WHAMM: variants seen among roughly 807,000 people sequenced by gnomAD.
WHAMM encodes the protein WASP homolog associated with actin, golgi membranes and microtubules.
WHAMM carries 67 observed loss-of-function variants against 76.5 expected under a neutral mutation model. The ratio of observed to expected loss-of-function variants is 0.88; its 90% CI spans 0.72 to 1.07. WHAMM has a LOEUF of 1.07. WHAMM is among the 50% of genes least tolerant of loss of function. The pLI, the probability that WHAMM is intolerant of heterozygous loss-of-function variation, is 0.00. For synonymous variants in WHAMM, 419 were observed against 422.1 expected, an observed-to-expected ratio of 0.99 and a Z score of 0.09; for missense variants, 1,021 against 1,051.1, an observed-to-expected ratio of 0.97 and a Z score of 0.40.
At chr15:82,816,616 C>A in intron 2 of WHAMM, 76 bp from the exon 3 acceptor site, 1 of 1,382,568 alleles carries the variant, frequency 7.2e-7, no homozygotes, top group Non-Finnish European at 9.7e-7. Flanking sequence ...TCCATGTGAC[C>A]AATTTCCTTT....
Position 82,830,824 on chromosome 15 carries a change from C to G in WHAMM, c.1867C>G (p.Pro623Ala), listed in dbSNP as rs1185327540. 2 of 1,603,400 alleles carry G rather than the reference C, an allele frequency of 1.2e-6. No individual in the cohort carries two copies. The highest frequency in any genetic ancestry group is 1.7e-6 in the Non-Finnish European group (2 of 1,174,464). Residue 623 changes from proline to alanine, a missense_variant, in exon 9 of 10, where the codon CCA becomes GCA. This residue lies in a region of WHAMM where 509 missense variants were observed against 492.3 expected (regional missense o/e 1.03). Coordinates refer to ENST00000286760, the MANE Select transcript of WHAMM (RefSeq NM_001080435.3). Reference sequence around the variant, plus strand: ...AAATATCCCTGTCCAGGTTTTTGTTCCAGTTGGTGATCAAACACATTCCAA... The same window carrying G: ...AAATATCCCTGTCCAGGTTTTTGTTGCAGTTGGTGATCAAACACATTCCAA... ...HGNIPVQVFV[P>A]VGDQTHSKSS...
chr15:82,811,490 T>C lies in WHAMM; in HGVS notation c.609+1155T>C, dbSNP rs181507768. Among the ~76,000 whole-genome samples, 265 of 152,364 alleles carry C rather than the reference T, an allele frequency of 1.7e-3. 1 individual carries two copies. Among genetic ancestry groups the C allele is most frequent in the Non-Finnish European group, 2.2e-3 (153 of 68,040 alleles). ...GTAGTAAATACTATCAGAAAAGTTA[T>C]AGTTTTCCCAAATTTAAGTTCACTC... is the stretch of plus-strand genomic sequence containing the variant. On this transcript the variant is annotated intron_variant, in intron 1 of 9. Transcript: ENST00000286760.
At chr15:82,820,382 A>G (rs1020103450) in intron 5 of WHAMM, among the ~76,000 whole-genome samples, 1 of 152,240 alleles carries the variant, frequency 6.6e-6, no homozygotes, top group Non-Finnish European at 1.5e-5. Flanking sequence ...ACAGTAGTGT[A>G]GTGAACTTTA....
chr15:82,810,402 C>T (rs1238473619), intron 1 of WHAMM, 67 bp downstream of exon 1: 15 of 1,234,512 alleles, frequency 1.2e-5, no homozygotes, highest in Middle Eastern at 3.2e-4. Flanking sequence ...GGGAGGCTCC[C>T]CCGGCGCCGA....
Position 82,832,123 on chromosome 15 carries a change from G to C in WHAMM, c.2122+1044G>C, listed in dbSNP as rs191948727. On this transcript the variant is annotated intron_variant, in intron 9 of 9. Transcript: ENST00000286760. ...CTAGATCGGACTTTGGAAGTGGGCAGATCTTTGTGGGGTGCCACATTCCCA... is the reference window on the plus strand; with the variant it reads ...CTAGATCGGACTTTGGAAGTGGGCACATCTTTGTGGGGTGCCACATTCCCA... Among the ~76,000 whole-genome samples, 526 of 152,348 alleles carry C rather than the reference G, an allele frequency of 3.5e-3. 3 individuals are homozygous for C. The highest frequency in any genetic ancestry group is 4.6e-3 in the Non-Finnish European group (311 of 68,028).
At position 82,826,655 on chromosome 15, in the gene WHAMM, G is replaced by A. The variant is rs2050939856; in HGVS notation, c.1546-96G>A. The A allele has an allele frequency of 5.2e-6, 8 of 1,541,100 alleles. No individual in the cohort carries two copies. In the Middle Eastern group the frequency reaches 6.9e-4, roughly 134 times the overall value. ...GCAGCCTTGGGGTGGTAATGTTGGGGTACAGCCTCTTTCTTTGCTGAGACA... is the reference window on the plus strand; with the variant it reads ...GCAGCCTTGGGGTGGTAATGTTGGGATACAGCCTCTTTCTTTGCTGAGACA... On this transcript the variant is annotated intron_variant, in intron 7 of 9. Transcript: ENST00000286760.
chr15:82,811,404 G>T (rs1431922652), intron 1 of WHAMM, among the ~76,000 whole-genome samples: 1 of 152,126 alleles, frequency 6.6e-6, no homozygotes, highest in African/African-American at 2.4e-5. Flanking sequence ...TACACACTCG[G>T]TTTCTCACAG....
In WHAMM at chr15:82,823,075, TAAAC is replaced by T. The variant is rs777284986; in HGVS notation, c.1271-22_1271-19del. On this transcript the variant is annotated intron_variant, in intron 5 of 9. Transcript: ENST00000286760. ...TTTTTTAAAATAATAAAATATGTTT[TAAAC>T]AATCATTAATACATTTTTAGAAAAA... is the stretch of plus-strand genomic sequence containing the variant. 8 of 1,286,302 alleles carry T rather than the reference TAAAC, an allele frequency of 6.2e-6. No homozygotes were observed. In the South Asian group the frequency reaches 2.3e-4, roughly 37 times the overall value. The allele number at this position is 1,286,302 out of a possible 1,614,324, so 79.7% of individuals were successfully genotyped here.
At chr15:82,826,716 G>T in intron 7 of WHAMM, 35 bp from the exon 8 acceptor site, 1 of 1,531,150 alleles carries the variant, frequency 6.5e-7, no homozygotes, top group Non-Finnish European at 8.8e-7. Flanking sequence ...TTGTAATGTT[G>T]AGCAATTTAC....
rs768736513 is a variant in WHAMM at position 82,830,625 on chromosome 15, C to T, written c.1668C>T (p.Asn556=). The T allele has an allele frequency of 1.2e-5, 20 of 1,613,432 alleles. No homozygotes were observed. In the Admixed American group the frequency reaches 1.8e-4, roughly 15 times the overall value. Residue 556 remains asparagine (N), a synonymous_variant, in exon 9 of 10, where the codon AAC becomes AAT. Coordinates refer to ENST00000286760, the MANE Select transcript of WHAMM (RefSeq NM_001080435.3). ...AACGCCTAGCTCAATCTGTCCGAAA[C>T]ACCTCTGGCTCAGAACCTGTGGCTC... ...KDKRLAQSVR[N]TSGSEPVAPN...
At chr15:82,831,298 A>C (rs972323730) in intron 9 of WHAMM, among the ~76,000 whole-genome samples, 11 of 152,234 alleles carry the variant, frequency 7.2e-5, no homozygotes, top group Non-Finnish European at 1.3e-4. Flanking sequence ...TTCAGTTTGA[A>C]GAAACCATCT....
intron 4 of WHAMM, among the ~76,000 whole-genome samples, chr15:82,818,920 T>C (rs2050773598): frequency 6.6e-6 from 1 of 152,220 alleles, no homozygotes. Context: ...AGAAAGAAAG[T>C]GATCCCTCTC....
chr15:82,809,918 G>T lies in WHAMM; in HGVS notation c.192G>T (p.Glu64Asp). The T allele has an allele frequency of 2.0e-6, 3 of 1,514,996 alleles. No homozygotes were observed. Among genetic ancestry groups the T allele is most frequent in the Non-Finnish European group, 2.7e-6 (3 of 1,127,844 alleles). The allele number at this position is 1,514,996 out of a possible 1,614,324, so 93.8% of individuals were successfully genotyped here. A position where few individuals can be genotyped will look rare whatever the true frequency, so the allele number is the denominator to read the frequency against. Residue 64 changes from glutamate to aspartate, a missense_variant, in exon 1 of 10, where the codon GAG (glutamate) becomes GAT (aspartate). Glu to Asp is a conservative substitution (Grantham distance 45). This residue lies in a region of WHAMM where 501 missense variants were observed against 524.9 expected (regional missense o/e 0.95). Transcript: ENST00000286760. ...GCGAGGGGGCCCGGTTGGGGCCCGAGCCCGAGCCCAAGCCTGAGGCCGCCG... is the reference window on the plus strand; with the variant it reads ...GCGAGGGGGCCCGGTTGGGGCCCGATCCCGAGCCCAAGCCTGAGGCCGCCG... ...RLREGARLGPEPEPKPEAAVS... is the reference protein window; with the variant it reads ...RLREGARLGPDPEPKPEAAVS...
At chr15:82,810,778 T>G (rs888825568) in intron 1 of WHAMM, 1 of 984,136 alleles carries the variant, frequency 1.0e-6, no homozygotes, top group Non-Finnish European at 1.2e-6. Flanking sequence ...GAAATGGCTT[T>G]TAGGAGATAG....
chr15:82,825,760 C>T (rs2050919659), intron 6 of WHAMM, among the ~76,000 whole-genome samples: 1 of 151,244 alleles, frequency 6.6e-6, no homozygotes, highest in Non-Finnish European at 1.5e-5. Context: ...TGCACTCCAG[C>T]CTGGGCAACA....
In WHAMM at chr15:82,810,255, G is replaced by C; in HGVS notation, c.529G>C (p.Ala177Pro). The change falls in exon 1 of 10, where the codon GCC becomes CCC. Residue 177 changes from alanine (A) to proline (P), a missense_variant. Transcript: ENST00000286760. ...DALFPAEGGA[A>P]DCESPREFRE... ...ACTCTTCCCGGCTGAGGGCGGCGCG[G>C]CCGACTGCGAAAGCCCGCGCGAGTT... The C allele has an allele frequency of 7.2e-7, 1 of 1,389,460 alleles. No individual in the cohort carries two copies. Among genetic ancestry groups the C allele is most frequent in the Non-Finnish European group, 9.3e-7 (1 of 1,073,302 alleles). 86.1% of individuals were successfully genotyped at this position (1,389,460 alleles called of 1,614,324 possible).
chr15:82,825,797 A>C (rs2050921187), intron 6 of WHAMM, among the ~76,000 whole-genome samples: 1 of 152,138 alleles, frequency 6.6e-6, no homozygotes, highest in Non-Finnish European at 1.5e-5. Context: ...TCAAAAAAAA[A>C]AAAAAGATGA....
In WHAMM at chr15:82,826,808, C is replaced by T. The variant is rs1475020628; in HGVS notation, c.1603C>T (p.Arg535Cys). 35 of 1,548,896 alleles carry T rather than the reference C, an allele frequency of 2.3e-5. No individual in the cohort carries two copies. Among genetic ancestry groups the T allele is most frequent in the South Asian group, 3.6e-5 (3 of 83,636 alleles). ...GAAAAAAGAATGGATCAACCAAGAA[C>T]GTCAAAAAACACTCCAACGATTGAG... Reference protein sequence around the residue: ...QKKKEWINQERQKTLQRLRSF... With the variant: ...QKKKEWINQECQKTLQRLRSF... Residue 535 changes from arginine (R) to cysteine (C), a missense_variant, in exon 8 of 10, where the codon CGT (arginine) becomes TGT (cysteine). Coordinates refer to ENST00000286760, the MANE Select transcript of WHAMM (RefSeq NM_001080435.3).
At chr15:82,828,349 T>G (rs1395750173) in intron 8 of WHAMM, among the ~76,000 whole-genome samples, 1 of 152,164 alleles carries the variant, frequency 6.6e-6, no homozygotes. Flanking sequence ...CCTGGAGAGC[T>G]TCTTCTAAGT....
Sources: allele counts gnomAD v4.1 joint callset (sites outside exome capture counted in the v4.1 genomes callset), GRCh38; gene constraint gnomAD v4.1.1; regional missense constraint gnomAD v4.1.1; transcripts MANE v1.5; gene names NCBI Gene and HGNC (gene_info 2026-07-23, HGNC 2026-07-21).